ABTB2: variants seen among roughly 807,000 people sequenced by gnomAD.
The protein encoded by ABTB2 is ankyrin repeat and BTB domain containing 2, also known as ankyrin repeat and BTB/POZ domain-containing protein 2.
In ABTB2, 56 loss-of-function variants were observed where a neutral mutation model predicts 104.1. That is an observed-to-expected ratio of 0.54 (90% CI 0.43 to 0.67). ABTB2 has a LOEUF of 0.67. Among genes scored for constraint, ABTB2 ranks in the 30% least tolerant of loss-of-function variants. The pLI is 0.00. For synonymous variants in ABTB2, 606 were observed against 608.2 expected, an observed-to-expected ratio of 1.00 and a Z score of 0.05; for missense variants, 1,279 against 1,407.7, an observed-to-expected ratio of 0.91 and a Z score of 1.46.
rs2473905 is a variant in ABTB2 at position 34,193,697 on chromosome 11, G to A, written c.1244+3628C>T. ...GTATGTTATCTGACTTTGTCCTACCGGATAGAATTACTTAGCCCCATTTTA... is the reference window on the plus strand; with the variant it reads ...GTATGTTATCTGACTTTGTCCTACCAGATAGAATTACTTAGCCCCATTTTA... On this transcript the variant is annotated intron_variant, in intron 3 of 16. Transcript: ENST00000435224. Among the ~76,000 whole-genome samples, 351 of 152,340 alleles carry A rather than the reference G, an allele frequency of 2.3e-3. 2 individuals are homozygous for A. Among genetic ancestry groups the A allele is most frequent in the East Asian group, 9.6e-3 (50 of 5,188 alleles).
rs1854067491 is a variant in ABTB2 at position 34,252,456 on chromosome 11, TC to T, written c.884-47767del. Among the ~76,000 whole-genome samples the T allele has an allele frequency of 6.6e-6, 1 of 152,072 alleles. No individual in the cohort carries two copies. The highest frequency in any genetic ancestry group is 1.5e-5 in the Non-Finnish European group (1 of 68,006). On this transcript the variant is annotated intron_variant, in intron 1 of 16. Coordinates refer to ENST00000435224, the MANE Select transcript of ABTB2 (RefSeq NM_145804.3). The surrounding 1 kb of genome is among the most constrained non-coding windows in gnomAD (Gnocchi z 5.5). ...ACAGGGGGAGAGTGCCATCTGGACA[TC>T]ATGACCTCCCCACCACCGCTGGGCA...
At chr11:34,306,982 T>TAAAAAAAAAAAAAA (rs61161318) in intron 1 of ABTB2, among the ~76,000 whole-genome samples, 27 of 94,430 alleles carry the variant, frequency 2.9e-4, no homozygotes, top group African/African-American at 6.0e-4. Context: ...TCAGGAAACT[T>TAAAAAAAAAAAAAA]AAAAAAAAAA....
At chr11:34,353,164 C>A (rs1855420335) in intron 1 of ABTB2, among the ~76,000 whole-genome samples, 1 of 152,224 alleles carries the variant, frequency 6.6e-6, no homozygotes, top group Non-Finnish European at 1.5e-5. Flanking sequence ...TAGGATAGAG[C>A]AATCCTTTTG....
At chr11:34,340,931 T>C (rs1855254621) in intron 1 of ABTB2, among the ~76,000 whole-genome samples, 2 of 152,046 alleles carry the variant, frequency 1.3e-5, no homozygotes, top group African/African-American at 4.8e-5. Flanking sequence ...AGATGAGCCT[T>C]AGAGGAAAAA....
At position 34,313,981 on chromosome 11, in the gene ABTB2, C is replaced by T. The variant is rs781466783; in HGVS notation, c.883+42720G>A. 5.9e-5 allele frequency among the ~76,000 whole-genome samples: 9 copies of T among 152,302 alleles called. 1 individual carries two copies. Among genetic ancestry groups the T allele is most frequent in the South Asian group, 4.1e-4 (2 of 4,826 alleles). Reference sequence around the variant, plus strand: ...TGGAGGGCACAACCTGGCTCCCACACGGTCCTAGGGTGTGGGTGCTGCCTG... The same window carrying T: ...TGGAGGGCACAACCTGGCTCCCACATGGTCCTAGGGTGTGGGTGCTGCCTG... On this transcript the variant is annotated intron_variant, in intron 1 of 16. Coordinates refer to ENST00000435224, the MANE Select transcript of ABTB2 (RefSeq NM_145804.3).
chr11:34,327,806 AAG>A, intron 1 of ABTB2, among the ~76,000 whole-genome samples: 1 of 152,340 alleles, frequency 6.6e-6, no homozygotes, highest in Middle Eastern at 3.4e-3. Context: ...GCCTGGGAGA[AAG>A]AGTTCTGGAT....
intron 3 of ABTB2, among the ~76,000 whole-genome samples, chr11:34,185,178 A>C (rs1319411681): frequency 6.6e-6 from 1 of 152,208 alleles, no homozygotes; most frequent in East Asian, 1.9e-4. Context: ...TTGTCAGCTG[A>C]AGAGTTTCTA....
rs1468794711 is a variant in ABTB2, at chr11:34,202,284, C to T, written c.1030+2260G>A. On this transcript the variant is annotated intron_variant, in intron 2 of 16. Coordinates refer to ENST00000435224, the MANE Select transcript of ABTB2 (RefSeq NM_145804.3). ...CTTGAAAATGTGAAGGACCAATGTACTTGAGGATCAAGGGGAAAGTGTTGC... is the reference window on the plus strand; with the variant it reads ...CTTGAAAATGTGAAGGACCAATGTATTTGAGGATCAAGGGGAAAGTGTTGC... Among the ~76,000 whole-genome samples, 10 of 152,266 alleles carry T rather than the reference C, an allele frequency of 6.6e-5. No individual in the cohort carries two copies. The East Asian group carries it at 1.9e-3, about 29-fold the overall frequency.
At chr11:34,337,330 C>T (rs577611978) in intron 1 of ABTB2, among the ~76,000 whole-genome samples, 59 of 152,274 alleles carry the variant, frequency 3.9e-4, no homozygotes, top group Admixed American at 1.3e-4. Flanking sequence ...AGCCTTAGGA[C>T]GGGCACAGCT....
chr11:34,153,986 A>G (rs985377626), intron 16 of ABTB2, among the ~76,000 whole-genome samples: 4 of 152,202 alleles, frequency 2.6e-5, no homozygotes, highest in African/African-American at 9.7e-5. Context: ...AGGCTCAGCA[A>G]CTTGTCCAGC....
chr11:34,322,693 C>T (rs773969923), intron 1 of ABTB2, among the ~76,000 whole-genome samples: 12 of 152,180 alleles, frequency 7.9e-5, no homozygotes, highest in East Asian at 3.9e-4. Flanking sequence ...TGTAAGGAAA[C>T]GCTTTTTTCT....
intron 1 of ABTB2, among the ~76,000 whole-genome samples, chr11:34,340,427 C>A (rs1350020883): frequency 6.6e-6 from 1 of 152,176 alleles, no homozygotes; most frequent in Non-Finnish European, 1.5e-5. Flanking sequence ...CGCCATTTCG[C>A]AGATGAGAAG....
At chr11:34,352,235 T>C (rs1855407676) in intron 1 of ABTB2, among the ~76,000 whole-genome samples, 1 of 152,228 alleles carries the variant, frequency 6.6e-6, no homozygotes, top group African/African-American at 2.4e-5. Flanking sequence ...GAGACTTCTC[T>C]CAGCTGGTGA....
At chr11:34,163,588 G>C (rs1852753313) in intron 9 of ABTB2, among the ~76,000 whole-genome samples, 1 of 152,322 alleles carries the variant, frequency 6.6e-6, no homozygotes, top group South Asian at 2.1e-4. Flanking sequence ...TGCAGCATGG[G>C]TGGTGCTGCA....
intron 1 of ABTB2, among the ~76,000 whole-genome samples, chr11:34,327,424 C>A (rs534330545): frequency 6.6e-6 from 1 of 152,172 alleles, no homozygotes; most frequent in Non-Finnish European, 1.5e-5. Flanking sequence ...AATCCACCCC[C>A]CTAGCCACTT....
At chr11:34,282,185 G>A (rs908003829) in intron 1 of ABTB2, among the ~76,000 whole-genome samples, 2 of 152,114 alleles carry the variant, frequency 1.3e-5, no homozygotes, top group Non-Finnish European at 2.9e-5. Flanking sequence ...GCTCTCTGGG[G>A]CCTCTTCCCA....
intron 1 of ABTB2, among the ~76,000 whole-genome samples, chr11:34,338,456 G>T (rs1257705857): frequency 3.3e-5 from 5 of 151,828 alleles, no homozygotes; most frequent in Non-Finnish European, 7.4e-5. Flanking sequence ...TGGCACTTTG[G>T]GAGGTCGAGG....
At chr11:34,311,444 T>C (rs377558936) in intron 1 of ABTB2, among the ~76,000 whole-genome samples, 12 of 152,160 alleles carry the variant, frequency 7.9e-5, no homozygotes, top group African/African-American at 2.7e-4. Flanking sequence ...ATAAGCTCAC[T>C]CTAAAAACAT....
chr11:34,229,583 G>A (rs1853743062), intron 1 of ABTB2, among the ~76,000 whole-genome samples: 1 of 151,972 alleles, frequency 6.6e-6, no homozygotes, highest in Admixed American at 6.6e-5. Flanking sequence ...CAACCACAAA[G>A]GCCACGGAAG....
Sources: allele counts gnomAD v4.1 joint callset (sites outside exome capture counted in the v4.1 genomes callset), GRCh38; gene constraint gnomAD v4.1.1; non-coding constraint Gnocchi (gnomAD v3.1); transcripts MANE v1.5; gene names NCBI Gene and HGNC (gene_info 2026-07-23, HGNC 2026-07-21).